PRSS41: variants seen among roughly 807,000 people sequenced by gnomAD.
PRSS41 encodes the protein protease, serine 41.
In PRSS41, 37 loss-of-function variants were observed where a neutral mutation model predicts 28.8. That is an observed-to-expected ratio of 1.29 (90% CI 0.99 to 1.69). The LOEUF (loss-of-function observed/expected upper bound fraction) is 1.69, where lower values mean the gene tolerates loss of function less well. Among genes scored for constraint, PRSS41 ranks in the 40% most tolerant of loss-of-function variants. The pLI is 0.00. For synonymous variants in PRSS41, 195 were observed against 163.1 expected (o/e 1.20, Z -1.49); for missense variants, 431 against 400.7 (o/e 1.08, Z -0.65).
At chr16:2,801,674 C>T (rs1424123355) in intron 4 of PRSS41, among the ~76,000 whole-genome samples, 4 of 151,502 alleles carry the variant, frequency 2.6e-5, no homozygotes, top group Non-Finnish European at 1.5e-5. Context: ...CACAGATCAA[C>T]AGGATCCCAA....
intron 5 of PRSS41, 64 bp downstream of exon 5, chr16:2,804,610 C>T (rs1016799542): frequency 6.8e-7 from 1 of 1,476,736 alleles, no homozygotes; most frequent in Non-Finnish European, 9.2e-7. Flanking sequence ...GAGCAGCTAC[C>T]ATTTCTCCCC....
Position 2,804,911 on chromosome 16 carries a change from C to A in PRSS41, c.700-3C>A. 2 of 1,578,256 alleles carry A rather than the reference C, an allele frequency of 1.3e-6. No homozygotes were observed. Among genetic ancestry groups the A allele is most frequent in the East Asian group, 2.3e-5 (1 of 42,788 alleles). ...GCCTGGGCTCACCCATGCTGCTCCC[C>A]AGGGTGACTCAGGTGGACCCTTGGT... On this transcript the variant is annotated splice_polypyrimidine_tract_variant and splice_region_variant and intron_variant, in intron 5 of 5. Coordinates refer to ENST00000399677, the Ensembl canonical transcript of PRSS41.
chr16:2,801,317 ATGT>A (rs757392845), intron 4 of PRSS41, among the ~76,000 whole-genome samples: 128 of 151,310 alleles, frequency 8.5e-4, no homozygotes, highest in South Asian at 3.6e-3. Flanking sequence ...TCAATATGTA[ATGT>A]TGTTCTTGGA....
intron 4 of PRSS41, among the ~76,000 whole-genome samples, chr16:2,800,447 A>G (rs2068978488): frequency 6.6e-6 from 1 of 150,944 alleles, no homozygotes; most frequent in Non-Finnish European, 1.5e-5. Flanking sequence ...AGGCTGAGGC[A>G]GGAGAATCGC....
At chr16:2,803,773 T>A (rs1184765897) in intron 4 of PRSS41, among the ~76,000 whole-genome samples, 1 of 152,224 alleles carries the variant, frequency 6.6e-6, no homozygotes, top group Admixed American at 6.5e-5. Flanking sequence ...TATCTGAGAA[T>A]GTCTTAATTT....
chr16:2,804,581 T>G, intron 5 of PRSS41, 35 bp downstream of exon 5: 2 of 1,541,638 alleles, frequency 1.3e-6, no homozygotes, highest in Non-Finnish European at 1.8e-6. Flanking sequence ...AATCCCACCC[T>G]CTCCAGCTCT....
chr16:2,805,093 C>G (rs1194787747), exon 6 of PRSS41: 1 of 1,551,820 alleles, frequency 6.4e-7, no homozygotes, highest in Non-Finnish European at 8.7e-7. Flanking sequence ...CAAACCCCTC[C>G]CAGCTGTTGC....
In PRSS41 at chr16:2,798,488, GGC is replaced by G. The variant is rs1188131369; in HGVS notation, c.12_13del (p.Leu7AlafsTer119). 6.6e-7 allele frequency: 1 copy of G among 1,512,356 alleles called. No individual in the cohort carries two copies. The highest frequency in any genetic ancestry group is 1.2e-5 in the South Asian group (1 of 81,066). 93.7% of individuals were successfully genotyped at this position (1,512,356 alleles called of 1,614,324 possible). A position where few individuals can be genotyped will look rare whatever the true frequency, so the allele number is the denominator to read the frequency against. On this transcript the variant is annotated frameshift_variant, in exon 1 of 6. Coordinates refer to ENST00000399677, the Ensembl canonical transcript of PRSS41. LOFTEE classifies it high-confidence loss of function. ...CCAGGCCGCGGGAGAGGAGGCCATG[GGC>G]GCGCGCGGGGCGCTGCTGCTGGCGC...
At chr16:2,803,646 C>CTTTA (rs1047463555) in intron 4 of PRSS41, among the ~76,000 whole-genome samples, 101 of 152,292 alleles carry the variant, frequency 6.6e-4, no homozygotes, top group African/African-American at 2.4e-3. Context: ...GACCAGGGCT[C>CTTTA]TTTGTTTGTA....
chr16:2,798,669 C>T lies in PRSS41; in HGVS notation c.91+7C>T, dbSNP rs1567266905. 2.7e-6 allele frequency: 4 copies of T among 1,463,116 alleles called. No individual in the cohort carries two copies. The highest frequency in any genetic ancestry group is 2.7e-6 in the Non-Finnish European group (3 of 1,110,864). The allele number at this position is 1,463,116 out of a possible 1,614,324, so 90.6% of individuals were successfully genotyped here. On this transcript the variant is annotated splice_region_variant and intron_variant, in intron 2 of 5. Coordinates refer to ENST00000399677, the Ensembl canonical transcript of PRSS41. Reference sequence around the variant, plus strand: ...GAGGAGGAGCTGTTGTCAGGTAGGGCGCCCAGGACGCGCGATGCCAGCCAG... The same window carrying T: ...GAGGAGGAGCTGTTGTCAGGTAGGGTGCCCAGGACGCGCGATGCCAGCCAG...
In PRSS41 at chr16:2,799,023, CTGGCCATG is replaced by C; in HGVS notation, c.157_164del (p.Trp53AlafsTer71). ...GCGGAGTGGAGTCCGCGCGCGGGCGCTGGCCATGGCAGGCCAGCCTGCGCCTGAGGAGA... is the reference window on the plus strand; with the variant it reads ...GCGGAGTGGAGTCCGCGCGCGGGCGCGCAGGCCAGCCTGCGCCTGAGGAGA... On this transcript the variant is annotated frameshift_variant, in exon 3 of 6. Coordinates refer to ENST00000399677, the Ensembl canonical transcript of PRSS41. LOFTEE classifies it high-confidence loss of function. The C allele has an allele frequency of 6.5e-7, 1 of 1,532,542 alleles. No homozygotes were observed. The highest frequency in any genetic ancestry group is 2.4e-5 in the East Asian group (1 of 40,850). The allele number at this position is 1,532,542 out of a possible 1,614,324, so 94.9% of individuals were successfully genotyped here.
At chr16:2,804,240 G>A (rs2069005957) in intron 4 of PRSS41, 149 bp from the exon 5 acceptor site, 2 of 718,136 alleles carry the variant, frequency 2.8e-6, no homozygotes, top group South Asian at 2.1e-5. Flanking sequence ...TTGATGCACT[G>A]GGTGCTGGGG....
intron 2 of PRSS41, 67 bp from the exon 3 acceptor site, chr16:2,798,892 C>G (rs2068965806): frequency 4.2e-6 from 6 of 1,442,976 alleles, no homozygotes; most frequent in Middle Eastern, 5.0e-4. Context: ...GGGGCAAAGC[C>G]GGGCAGGGCG....
chr16:2,799,041 C>G, exon 3 of PRSS41: 6 of 1,533,028 alleles, frequency 3.9e-6, no homozygotes, highest in Non-Finnish European at 5.2e-6. Context: ...GGCAGGCCAG[C>G]CTGCGCCTGA....
intron 4 of PRSS41, among the ~76,000 whole-genome samples, chr16:2,802,021 GACCCCCCCC>G (rs2068990691): frequency 6.9e-6 from 1 of 145,556 alleles, no homozygotes; most frequent in Non-Finnish European, 1.5e-5. Context: ...GCGTGGGGCT[GACCCCCCCC>G]ACCTCCCTCC....
At chr16:2,802,211 G>A (rs1212311993) in intron 4 of PRSS41, among the ~76,000 whole-genome samples, 17 of 151,404 alleles carry the variant, frequency 1.1e-4, no homozygotes, top group African/African-American at 1.5e-4. Flanking sequence ...ACAGGGTCGC[G>A]GCCGGGCAGA....
At chr16:2,803,305 C>T (rs1024478910) in intron 4 of PRSS41, among the ~76,000 whole-genome samples, 1 of 151,236 alleles carries the variant, frequency 6.6e-6, no homozygotes, top group Non-Finnish European at 1.5e-5. Flanking sequence ...ATATTGATTC[C>T]CTTCTCATTT....
intron 4 of PRSS41, among the ~76,000 whole-genome samples, chr16:2,802,708 C>T (rs1047601628): frequency 4.6e-5 from 7 of 152,226 alleles, no homozygotes; most frequent in African/African-American, 1.4e-4. Flanking sequence ...AGCGAAACCC[C>T]GTCTCCACCA....
chr16:2,800,486 C>A (rs539917157), intron 4 of PRSS41, among the ~76,000 whole-genome samples: 55 of 143,558 alleles, frequency 3.8e-4, no homozygotes, highest in Admixed American at 2.1e-3. Flanking sequence ...GAGGTTTCAG[C>A]GAGCCGAGAT....
Sources: allele counts gnomAD v4.1 joint callset (sites outside exome capture counted in the v4.1 genomes callset), GRCh38; gene constraint gnomAD v4.1.1; transcripts MANE v1.5; gene names NCBI Gene and HGNC (gene_info 2026-07-23, HGNC 2026-07-21).